Variants in UBA2 observed in about 807,000 individuals in gnomAD.
The protein encoded by UBA2 is SUMO-activating enzyme subunit 2.
Under a neutral mutation model 77.2 loss-of-function variants are expected in UBA2, and 11 were observed. The ratio of observed to expected loss-of-function variants is 0.14; its 90% CI spans 0.09 to 0.24. The LOEUF is 0.24. Among genes scored for constraint, UBA2 ranks in the 10% least tolerant of loss-of-function variants. The pLI, the probability that UBA2 is intolerant of heterozygous loss-of-function variation, is 1.00. For synonymous variants in UBA2, 278 were observed against 276.7 expected (o/e 1.00, Z -0.05); for missense variants, 487 against 781.7 (o/e 0.62, Z 4.50).
intron 8 of UBA2, among the ~76,000 whole-genome samples, chr19:34,445,623 A>G (rs2075421079): frequency 6.6e-6 from 1 of 151,952 alleles, no homozygotes; most frequent in Non-Finnish European, 1.5e-5. Context: ...TTTTTAGTAG[A>G]AGCGGGGTCT....
chr19:34,468,386 C>T (rs909986532), intron 16 of UBA2, among the ~76,000 whole-genome samples: 1 of 152,080 alleles, frequency 6.6e-6, no homozygotes, highest in Non-Finnish European at 1.5e-5. Flanking sequence ...GTAGATTTTC[C>T]AAAATCATAA....
intron 10 of UBA2, 25 bp downstream of exon 10, chr19:34,452,172 G>C: frequency 6.5e-7 from 1 of 1,534,638 alleles, no homozygotes. Flanking sequence ...TGTGTGGCAA[G>C]TACTTACATG....
intron 6 of UBA2, among the ~76,000 whole-genome samples, chr19:34,440,242 T>C (rs2075353856): frequency 6.7e-6 from 1 of 148,758 alleles, no homozygotes; most frequent in Admixed American, 6.7e-5. Flanking sequence ...GAGAATCACT[T>C]GAACCCAGTG....
intron 16 of UBA2, among the ~76,000 whole-genome samples, chr19:34,467,796 C>G (rs911415662): frequency 6.6e-6 from 1 of 152,122 alleles, no homozygotes; most frequent in Admixed American, 6.6e-5. Flanking sequence ...GGGGGAAATT[C>G]TTATGGAAAT....
chr19:34,442,762 C>G (rs938191407), intron 6 of UBA2, among the ~76,000 whole-genome samples: 1 of 152,142 alleles, frequency 6.6e-6, no homozygotes, highest in Admixed American at 6.6e-5. Flanking sequence ...CTCAATAAAC[C>G]TGTTGTAAAG....
rs930828262 is a variant in UBA2 at position 34,428,755 on chromosome 19, G to C, written c.138+185G>C. The C allele has an allele frequency of 6.2e-6, 7 of 1,137,176 alleles. No individual in the cohort carries two copies. The South Asian group carries it at 1.8e-4, about 30-fold the overall frequency. 70.4% of individuals were successfully genotyped at this position (1,137,176 alleles called of 1,614,324 possible). On this transcript the variant is annotated intron_variant, in intron 1 of 16. Transcript: ENST00000246548. Reference sequence around the variant, plus strand: ...CGGGAGGAGACTGTTCTTTGGGCACGGGGCGGGCCTCCGCTCGCTGGGCCG... The same window carrying C: ...CGGGAGGAGACTGTTCTTTGGGCACCGGGCGGGCCTCCGCTCGCTGGGCCG...
At chr19:34,446,465 C>A (rs993081144) in intron 8 of UBA2, among the ~76,000 whole-genome samples, 2 of 151,984 alleles carry the variant, frequency 1.3e-5, no homozygotes, top group African/African-American at 4.8e-5. Context: ...TGTCTCGGAT[C>A]TTTTTTTTCT....
At chr19:34,442,513 ATC>A in intron 6 of UBA2, among the ~76,000 whole-genome samples, 1 of 152,174 alleles carries the variant, frequency 6.6e-6, no homozygotes. Context: ...TGCAACTGCA[ATC>A]TCTGCCTCCT....
chr19:34,443,500 T>G (rs2075392766), intron 6 of UBA2, among the ~76,000 whole-genome samples: 1 of 150,306 alleles, frequency 6.7e-6, no homozygotes, highest in Non-Finnish European at 1.5e-5. Flanking sequence ...GGAGTGCAGT[T>G]GTGCAGTCTC....
At chr19:34,453,192 C>T (rs968625943) in intron 10 of UBA2, among the ~76,000 whole-genome samples, 23 of 152,114 alleles carry the variant, frequency 1.5e-4, no homozygotes, top group African/African-American at 5.6e-4. Flanking sequence ...GATTTTGACT[C>T]AAGGAATTTG....
intron 8 of UBA2, among the ~76,000 whole-genome samples, chr19:34,450,000 A>T (rs1009718808): frequency 6.6e-6 from 1 of 152,214 alleles, no homozygotes. Flanking sequence ...GAGGTGACTT[A>T]GGAAGGCAGG....
At position 34,434,882 on chromosome 19, in the gene UBA2, G is replaced by A. The variant is rs2075292651; in HGVS notation, c.373G>A (p.Val125Ile). ...TTTACTTCCAGCTGCCCGAAACCAT[G>A]TTAATAGAATGTGCCTGGCAGCTGA... ...ALDNRAARNH[V>I]NRMCLAADVP... The change falls in exon 5 of 17, where the codon GTT (valine) becomes ATT (isoleucine). Residue 125 changes from valine (V) to isoleucine (I), a missense_variant. By Grantham distance (29) the Val-to-Ile change is conservative. This residue lies in a region of UBA2 where 66 missense variants were observed against 112.0 expected (regional missense o/e 0.59). Transcript: ENST00000246548. 6.2e-7 allele frequency: 1 copy of A among 1,604,284 alleles called. No individual in the cohort carries two copies. Among genetic ancestry groups the A allele is most frequent in the Non-Finnish European group, 8.5e-7 (1 of 1,174,478 alleles).
chr19:34,437,419 G>C (rs1387223070), intron 5 of UBA2, among the ~76,000 whole-genome samples: 2 of 151,224 alleles, frequency 1.3e-5, no homozygotes, highest in African/African-American at 2.4e-5. Flanking sequence ...AGACCAGCCT[G>C]GCCAACATGG....
chr19:34,460,802 C>A (rs2075622712), intron 14 of UBA2, among the ~76,000 whole-genome samples: 1 of 152,162 alleles, frequency 6.6e-6, no homozygotes, highest in Non-Finnish European at 1.5e-5. Context: ...AAGGAACCTC[C>A]TTGCCGATAT....
intron 10 of UBA2, among the ~76,000 whole-genome samples, chr19:34,452,378 TATAATTATGTTGACTAGAAAA>T (rs1309708444): frequency 6.6e-6 from 1 of 152,206 alleles, no homozygotes; most frequent in African/African-American, 2.4e-5. Flanking sequence ...GTTCAGGGTT[TATAATTATGTTGACTAGAAAA>T]ATAACGTGAA....
At chr19:34,437,900 T>A (rs745629916) in intron 5 of UBA2, among the ~76,000 whole-genome samples, 1 of 151,772 alleles carries the variant, frequency 6.6e-6, no homozygotes, top group Admixed American at 6.6e-5. Context: ...ACTAAAAATA[T>A]GAAAATTAGC....
At chr19:34,446,608 CT>C (rs764109454) in intron 8 of UBA2, among the ~76,000 whole-genome samples, 1 of 145,152 alleles carries the variant, frequency 6.9e-6, no homozygotes. Flanking sequence ...TTTTTTTTTT[CT>C]TTCTTTTTTT....
At chr19:34,442,455 GT>G in intron 6 of UBA2, among the ~76,000 whole-genome samples, 1 of 151,986 alleles carries the variant, frequency 6.6e-6, no homozygotes, top group Non-Finnish European at 1.5e-5. Flanking sequence ...TTTTGTTGTT[GT>G]TTTTTTGAGA....
chr19:34,464,634 C>T (rs1912821257), intron 15 of UBA2, among the ~76,000 whole-genome samples: 1 of 151,732 alleles, frequency 6.6e-6, no homozygotes, highest in Admixed American at 6.6e-5. Context: ...TCAGTGGTGG[C>T]TTATCAGAAA....
Sources: gnomAD v4.1 joint callset for allele counts (sites outside exome capture counted in the v4.1 genomes callset) on GRCh38, gnomAD v4.1.1 for gene constraint, gnomAD v4.1.1 regional missense constraint, MANE v1.5 for transcripts, NCBI Gene and HGNC (gene_info 2026-07-23, HGNC 2026-07-21) for gene names.